Variants in UBXN4 observed in about 807,000 individuals in gnomAD.
UBXN4 encodes the protein UBX domain-containing protein 4.
In UBXN4, 35 loss-of-function variants were observed where a neutral mutation model predicts 66.2. That is an observed-to-expected ratio of 0.53 (90% CI 0.40 to 0.70). The LOEUF is 0.70. UBXN4 is among the 30% of genes least tolerant of loss of function. UBXN4 has a pLI of 0.00. For synonymous variants in UBXN4, 203 were observed against 204.5 expected, an observed-to-expected ratio of 0.99 and a Z score of 0.06; for missense variants, 533 against 599.8, an observed-to-expected ratio of 0.89 and a Z score of 1.16.
At chr2:135,763,767 A>T (rs1478870189) in intron 6 of UBXN4, among the ~76,000 whole-genome samples, 12 of 152,090 alleles carry the variant, frequency 7.9e-5, no homozygotes, top group Non-Finnish European at 1.2e-4. Flanking sequence ...TCAAGGCTGC[A>T]GTGAGCCATG....
intron 9 of UBXN4, among the ~76,000 whole-genome samples, chr2:135,774,151 A>G (rs1333156401): frequency 1.3e-5 from 2 of 152,248 alleles, no homozygotes; most frequent in African/African-American, 4.8e-5. Context: ...GTAATGGTAT[A>G]AGATGAACAT....
intron 2 of UBXN4, among the ~76,000 whole-genome samples, chr2:135,752,286 A>G (rs180760361): frequency 2.8e-4 from 42 of 152,152 alleles, no homozygotes; most frequent in African/African-American, 1.0e-3. Context: ...TGACCTCATA[A>G]TCCACTTGCC....
At chr2:135,756,589 G>A (rs1221689898) in intron 5 of UBXN4, among the ~76,000 whole-genome samples, 1 of 152,142 alleles carries the variant, frequency 6.6e-6, no homozygotes, top group African/African-American at 2.4e-5. Context: ...GGATGTGTAC[G>A]GAACGGGGGG....
chr2:135,776,986 C>T (rs1263395710), intron 10 of UBXN4, among the ~76,000 whole-genome samples: 1 of 152,206 alleles, frequency 6.6e-6, no homozygotes, highest in Non-Finnish European at 1.5e-5. Context: ...TTGTCCCACT[C>T]CCCTGAAATG....
At chr2:135,766,066 T>C (rs1216084909) in intron 6 of UBXN4, among the ~76,000 whole-genome samples, 1 of 151,682 alleles carries the variant, frequency 6.6e-6, no homozygotes, top group Non-Finnish European at 1.5e-5. Context: ...GGCAGGAAAA[T>C]TGCTTGAACC....
At chr2:135,765,110 G>T (rs2077339062) in intron 6 of UBXN4, among the ~76,000 whole-genome samples, 1 of 151,954 alleles carries the variant, frequency 6.6e-6, no homozygotes, top group Non-Finnish European at 1.5e-5. Flanking sequence ...CACCACGTCT[G>T]GCCAGGATAT....
chr2:135,760,851 A>G (rs2077310827), intron 5 of UBXN4, among the ~76,000 whole-genome samples: 1 of 152,162 alleles, frequency 6.6e-6, no homozygotes, highest in Non-Finnish European at 1.5e-5. Context: ...CCAGGTGTAA[A>G]TACTCCCACT....
chr2:135,777,145 T>A (rs2077420495), intron 10 of UBXN4, among the ~76,000 whole-genome samples: 1 of 152,240 alleles, frequency 6.6e-6, no homozygotes. Context: ...TTCCAAAAGG[T>A]GGCCTTACTC....
intron 5 of UBXN4, among the ~76,000 whole-genome samples, chr2:135,761,411 C>T (rs1301890354): frequency 1.7e-5 from 2 of 115,468 alleles, no homozygotes; most frequent in East Asian, 4.9e-4. Context: ...TTAATTACAA[C>T]TAAAATTTGT....
intron 1 of UBXN4, 47 bp from the exon 2 acceptor site, chr2:135,748,220 A>G (rs1381662320): frequency 2.1e-6 from 3 of 1,409,412 alleles, no homozygotes; most frequent in Non-Finnish European, 2.9e-6. Flanking sequence ...AGAGTTTGCA[A>G]TCAGCAGATC....
At chr2:135,742,054 C>T (rs1283246662) in intron 1 of UBXN4, 43 bp downstream of exon 1, 3 of 1,601,082 alleles carry the variant, frequency 1.9e-6, no homozygotes, top group Non-Finnish European at 1.7e-6. Context: ...GACACCCCTC[C>T]GGCCTACCTT....
intron 1 of UBXN4, among the ~76,000 whole-genome samples, chr2:135,745,589 T>C (rs1400234853): frequency 6.6e-6 from 1 of 152,192 alleles, no homozygotes; most frequent in Non-Finnish European, 1.5e-5. Flanking sequence ...AATAAAATAG[T>C]GAACATATAA....
chr2:135,769,774 CAAAA>C lies in UBXN4; in HGVS notation c.612_615del (p.Lys204AsnfsTer42), dbSNP rs1214120563. 3 of 1,533,878 alleles carry C rather than the reference CAAAA, an allele frequency of 2.0e-6. No homozygotes were observed. Among genetic ancestry groups the C allele is most frequent in the Non-Finnish European group, 2.6e-6 (3 of 1,140,512 alleles). ...TTTTTTTTTTTTTAATACAGACTAA[CAAAA>C]AAACTTGAAGAAAGGAGAGAAGAGA... On this transcript the variant is annotated frameshift_variant, in exon 7 of 13. Coordinates refer to ENST00000272638, the MANE Select transcript of UBXN4 (RefSeq NM_014607.4). LOFTEE classifies it high-confidence loss of function.
intron 2 of UBXN4, among the ~76,000 whole-genome samples, chr2:135,752,627 A>T (rs934743613): frequency 2.0e-5 from 3 of 152,234 alleles, no homozygotes; most frequent in African/African-American, 7.2e-5. Context: ...TATTGTATTC[A>T]GGTATACTTG....
chr2:135,778,437 G>A (rs918747692), intron 10 of UBXN4, among the ~76,000 whole-genome samples: 5 of 152,136 alleles, frequency 3.3e-5, no homozygotes, highest in South Asian at 2.1e-4. Flanking sequence ...TCCATTGTAC[G>A]TTCCTGGATC....
intron 7 of UBXN4, 37 bp downstream of exon 7, chr2:135,769,860 A>G (rs1346308580): frequency 1.3e-6 from 2 of 1,532,912 alleles, no homozygotes; most frequent in African/African-American, 1.4e-5. Context: ...TTGTCCTCTC[A>G]TTAACTGAGG....
intron 6 of UBXN4, among the ~76,000 whole-genome samples, chr2:135,769,077 G>T (rs890506607): frequency 6.6e-6 from 1 of 152,058 alleles, no homozygotes; most frequent in Non-Finnish European, 1.5e-5. Context: ...AACGTGACTC[G>T]CTGCAGCCTC....
chr2:135,748,424 G>T, intron 2 of UBXN4, 55 bp downstream of exon 2: 4 of 1,257,260 alleles, frequency 3.2e-6, no homozygotes, highest in Non-Finnish European at 4.3e-6. Context: ...TATTGTCTTT[G>T]ATTTATAGTG....
chr2:135,753,994 A>G (rs2077263377), intron 3 of UBXN4, 165 bp from the exon 4 acceptor site: 1 of 581,624 alleles, frequency 1.7e-6, no homozygotes, highest in South Asian at 2.3e-5. Context: ...TGTCACATGT[A>G]TTAATACTAC....
Sources: gnomAD v4.1 joint callset for allele counts (sites outside exome capture counted in the v4.1 genomes callset) on GRCh38, gnomAD v4.1.1 for gene constraint, MANE v1.5 for transcripts, NCBI Gene and HGNC (gene_info 2026-07-23, HGNC 2026-07-21) for gene names.